LSS: variants seen among roughly 807,000 people sequenced by gnomAD.
LSS encodes 2,3-epoxysqualene-lanosterol cyclase.
Under a neutral mutation model 110.3 loss-of-function variants are expected in LSS, and 90 were observed. That is an observed-to-expected ratio of 0.82 (90% CI 0.69 to 0.97). LSS has a LOEUF of 0.97. Ranked by LOEUF, LSS falls within the 50% of genes least tolerant of loss-of-function variation. The pLI is 0.00. For synonymous variants in LSS, 433 were observed against 400.0 expected (o/e 1.08, Z -0.98); for missense variants, 927 against 990.0 (o/e 0.94, Z 0.85).
chr21:46,213,985 C>T (rs562511856), intron 9 of LSS, 150 bp from the exon 10 acceptor site: 6 of 651,182 alleles, frequency 9.2e-6, no homozygotes, highest in Admixed American at 6.8e-5. Context: ...CTCTAACAGG[C>T]ATTTCCTGAG....
chr21:46,197,051 G>A (rs888818104), intron 17 of LSS, among the ~76,000 whole-genome samples: 8 of 152,360 alleles, frequency 5.3e-5, no homozygotes, highest in East Asian at 1.9e-4. Flanking sequence ...GGCAGAGGAC[G>A]ACCTGCGAGG....
At chr21:46,204,393 T>G (rs769129799) in intron 17 of LSS, among the ~76,000 whole-genome samples, 19 of 152,056 alleles carry the variant, frequency 1.2e-4, no homozygotes, top group Non-Finnish European at 2.6e-4. Flanking sequence ...AGATTTTTTT[T>G]TTTTCAAAAG....
At chr21:46,223,719 G>A (rs981511109) in intron 3 of LSS, among the ~76,000 whole-genome samples, 2 of 152,188 alleles carry the variant, frequency 1.3e-5, no homozygotes, top group Non-Finnish European at 2.9e-5. Flanking sequence ...AGGCCATACA[G>A]AGATAGGAGC....
intron 17 of LSS, among the ~76,000 whole-genome samples, chr21:46,201,036 G>A (rs1488291794): frequency 1.4e-5 from 2 of 144,386 alleles, no homozygotes; most frequent in Admixed American, 6.8e-5. Context: ...GGATCATGTG[G>A]GAGGACAGGT....
In LSS at chr21:46,188,849, A is replaced by T; in HGVS notation, c.*2255T>A. Reference sequence around the variant, plus strand: ...GTGAAGGAAAACAATGCAGTGAAAGAAAGTTCCTCCTATGTGGACATTGTA... The same window carrying T: ...GTGAAGGAAAACAATGCAGTGAAAGTAAGTTCCTCCTATGTGGACATTGTA... On this transcript the variant is annotated 3_prime_UTR_variant, in exon 22 of 22. Transcript: ENST00000397728. 4.4e-6 allele frequency: 2 copies of T among 459,764 alleles called. No homozygotes were observed. The highest frequency in any genetic ancestry group is 3.1e-5 in the South Asian group (2 of 63,898). 28.5% of individuals were successfully genotyped at this position (459,764 alleles called of 1,614,324 possible).
chr21:46,218,166 T>C (rs977322381), intron 6 of LSS, among the ~76,000 whole-genome samples: 2 of 133,326 alleles, frequency 1.5e-5, no homozygotes, highest in East Asian at 2.3e-4. Flanking sequence ...GATAGCTCTC[T>C]AGGGGACACC....
intron 11 of LSS, 114 bp downstream of exon 11, chr21:46,212,911 G>T: frequency 1.5e-6 from 2 of 1,296,824 alleles, no homozygotes; most frequent in Non-Finnish European, 2.2e-6. Context: ...GCCTCTAGTC[G>T]CACGCTGCCG....
chr21:46,209,761 T>C lies in LSS; in HGVS notation c.1195-136A>G. 1 of 678,480 alleles carries C rather than the reference T, an allele frequency of 1.5e-6. No individual in the cohort carries two copies. The highest frequency in any genetic ancestry group is 2.6e-6 in the Non-Finnish European group (1 of 388,822). 42.0% of individuals were successfully genotyped at this position (678,480 alleles called of 1,614,324 possible). ...CAAACCAGCAGACATCTCCAGAGAG[T>C]GCCAGGGTCTCCTGCTGCACTTACC... On this transcript the variant is annotated intron_variant, in intron 12 of 21. Transcript: ENST00000397728. This position sits in a 1 kb window ranked among gnomAD's most constrained non-coding sequence, Gnocchi z 4.4.
Position 46,225,404 on chromosome 21 carries a change from G to A in LSS, c.319+2148C>T, listed in dbSNP as rs879096082. ...GACCCAACCGTGGTCTAGCGGTAGC[G>A]TCAGTGTCAAGGAAAAACACCCGCT... On this transcript the variant is annotated intron_variant, in intron 3 of 21. Transcript: ENST00000397728. The A allele has an allele frequency of 2.2e-5, 10 of 449,648 alleles. 1 individual carries two copies. The highest frequency in any genetic ancestry group is 7.8e-5 in the South Asian group (5 of 64,352). The allele number at this position is 449,648 out of a possible 1,614,324, so 27.9% of individuals were successfully genotyped here.
In LSS at chr21:46,215,163, C is replaced by A; in HGVS notation, c.1011+17G>T. 6.2e-7 allele frequency: 1 copy of A among 1,602,284 alleles called. No homozygotes were observed. Among genetic ancestry groups the A allele is most frequent in the Non-Finnish European group, 8.5e-7 (1 of 1,175,248 alleles). ...ACCCCCAGGGGCTGCAGTCAGAGGCCGGGCAGGGGCACTGACCGGGCCGAT... is the reference window on the plus strand; with the variant it reads ...ACCCCCAGGGGCTGCAGTCAGAGGCAGGGCAGGGGCACTGACCGGGCCGAT... On this transcript the variant is annotated intron_variant, in intron 9 of 21. Coordinates refer to ENST00000397728, the MANE Select transcript of LSS (RefSeq NM_002340.6).
At chr21:46,193,070 G>A (rs1196685527) in intron 20 of LSS, 5 of 434,058 alleles carry the variant, frequency 1.2e-5, no homozygotes, top group Non-Finnish European at 2.3e-5. Flanking sequence ...ATGTCTGTGT[G>A]TGGCACAGAT....
Position 46,209,776 on chromosome 21 carries a change from C to A in LSS, c.1195-151G>T. ...CTCCAGAGAGTGCCAGGGTCTCCTG[C>A]TGCACTTACCTTTAAAGACAAAACA... On this transcript the variant is annotated intron_variant, in intron 12 of 21. Transcript: ENST00000397728. This position sits in a 1 kb window ranked among gnomAD's most constrained non-coding sequence, Gnocchi z 4.4. 3.2e-6 allele frequency: 2 copies of A among 633,690 alleles called. No homozygotes were observed. Among genetic ancestry groups the A allele is most frequent in the South Asian group, 3.9e-5 (2 of 51,328 alleles). 39.3% of individuals were successfully genotyped at this position (633,690 alleles called of 1,614,324 possible). A position where few individuals can be genotyped will look rare whatever the true frequency, so the allele number is the denominator to read the frequency against.
Position 46,190,994 on chromosome 21 carries a change from G to A in LSS, c.*110C>T, listed in dbSNP as rs753970586. 143 of 1,290,578 alleles carry A rather than the reference G, an allele frequency of 1.1e-4. No individual in the cohort carries two copies. The highest frequency in any genetic ancestry group is 1.5e-4 in the Non-Finnish European group (138 of 922,082). The allele number at this position is 1,290,578 out of a possible 1,614,324, so 79.9% of individuals were successfully genotyped here. A position where few individuals can be genotyped will look rare whatever the true frequency, so the allele number is the denominator to read the frequency against. ...CCCAGATTCACATCTATGAGATAGA[G>A]GTTGAGGGGTTGGAGCCCAAGACAG... is the stretch of plus-strand genomic sequence containing the variant. On this transcript the variant is annotated 3_prime_UTR_variant, in exon 22 of 22. Coordinates refer to ENST00000397728, the MANE Select transcript of LSS (RefSeq NM_002340.6). This position sits in a 1 kb window ranked among gnomAD's most constrained non-coding sequence, Gnocchi z 4.6.
chr21:46,204,880 G>A (rs147798133), intron 17 of LSS, among the ~76,000 whole-genome samples: 62 of 152,200 alleles, frequency 4.1e-4, no homozygotes, highest in African/African-American at 1.2e-3. Context: ...ATAGACCAGC[G>A]TCTCTTGTAA....
chr21:46,225,578 CAGTG>C (rs2080328376), intron 3 of LSS, among the ~76,000 whole-genome samples: 1 of 152,262 alleles, frequency 6.6e-6, no homozygotes, highest in Non-Finnish European at 1.5e-5. Context: ...TGCTGTGCTT[CAGTG>C]GTCACGCTCC....
chr21:46,188,550 G>C lies in LSS; in HGVS notation c.*2554C>G. ...CTCTTGGTGGTGTCCTTTGTCAAGA[G>C]CATGTCAGGGTGATGAGTCATCTGG... is the stretch of plus-strand genomic sequence containing the variant. On this transcript the variant is annotated 3_prime_UTR_variant, in exon 22 of 22. Transcript: ENST00000397728. The C allele has an allele frequency of 2.2e-6, 1 of 451,336 alleles. No homozygotes were observed. The highest frequency in any genetic ancestry group is 1.6e-5 in the South Asian group (1 of 63,182). 28.0% of individuals were successfully genotyped at this position (451,336 alleles called of 1,614,324 possible).
chr21:46,228,449 G>A lies in LSS; in HGVS notation c.165C>T (p.Ala55=), dbSNP rs1454357572. 4.4e-6 allele frequency: 7 copies of A among 1,603,222 alleles called. No homozygotes were observed. The highest frequency in any genetic ancestry group is 5.9e-6 in the Non-Finnish European group (7 of 1,179,628). ...AGCAACTTACGGTGTCCAGCCCCAGGGCGTAGGCTTCCAGGCCGGTCTGCT... is the reference window on the plus strand; with the variant it reads ...AGCAACTTACGGTGTCCAGCCCCAGAGCGTAGGCTTCCAGGCCGGTCTGCT... ...GREQTGLEAY[A]LGLDTKNYFK... Residue 55 remains alanine, a synonymous_variant, in exon 2 of 22, where the codon GCC becomes GCT. Transcript: ENST00000397728.
At chr21:46,199,676 T>C (rs564745920) in intron 17 of LSS, among the ~76,000 whole-genome samples, 29 of 152,272 alleles carry the variant, frequency 1.9e-4, no homozygotes, top group Non-Finnish European at 4.1e-4. Context: ...TAAAAAGAAA[T>C]GTGCTATTGA....
chr21:46,193,218 G>T (rs1332823594), intron 20 of LSS: 1 of 443,166 alleles, frequency 2.3e-6, no homozygotes, highest in South Asian at 1.6e-5. Flanking sequence ...GGGTGTATCT[G>T]CATGTGTGTA....
Sources: gnomAD v4.1 joint callset for allele counts (sites outside exome capture counted in the v4.1 genomes callset) on GRCh38, gnomAD v4.1.1 for gene constraint, Gnocchi (gnomAD v3.1) non-coding constraint, MANE v1.5 for transcripts, NCBI Gene and HGNC (gene_info 2026-07-23, HGNC 2026-07-21) for gene names.